NCK1: variants seen among roughly 807,000 people sequenced by gnomAD.
NCK1 encodes the protein NCK adaptor protein 1, also known as SH2/SH3 adapter protein NCK1.
A neutral mutation model predicts 36.6 loss-of-function variants in NCK1; 19 were observed. The ratio of observed to expected loss-of-function variants is 0.52; its 90% confidence interval spans 0.36 to 0.76. NCK1 has a LOEUF of 0.76. Among genes scored for constraint, NCK1 ranks in the 30% least tolerant of loss-of-function variants. The pLI is 0.00. For missense variants in NCK1, 358 were observed against 445.6 expected (o/e 0.80, Z 1.77); for synonymous variants, 165 against 156.0 (o/e 1.06, Z -0.43).
At chr3:136,898,958 A>G (rs375273239) in intron 1 of NCK1, 9 of 153,130 alleles carry the variant, frequency 5.9e-5, no homozygotes, top group African/African-American at 2.2e-4. Context: ...GGACATGGTA[A>G]TGGATTCCTT....
chr3:136,900,642 T>G (rs1939517367), intron 1 of NCK1, among the ~76,000 whole-genome samples: 1 of 152,186 alleles, frequency 6.6e-6, no homozygotes, highest in Non-Finnish European at 1.5e-5. Context: ...AGGGAATGCC[T>G]TCTTGATTTC....
intron 1 of NCK1, among the ~76,000 whole-genome samples, chr3:136,903,932 A>C (rs1027395148): frequency 2.0e-5 from 3 of 151,564 alleles, no homozygotes; most frequent in Admixed American, 6.6e-5. Context: ...TTGGTCTATC[A>C]GTGGTTTTTA....
At chr3:136,880,821 C>A (rs1938912271) in intron 1 of NCK1, among the ~76,000 whole-genome samples, 1 of 152,084 alleles carries the variant, frequency 6.6e-6, no homozygotes, top group South Asian at 2.1e-4. Context: ...TTTGCCCTGG[C>A]TGGTCTTGAA....
At chr3:136,870,592 G>C (rs1391592967) in intron 1 of NCK1, among the ~76,000 whole-genome samples, 1 of 148,828 alleles carries the variant, frequency 6.7e-6, no homozygotes, top group Non-Finnish European at 1.5e-5. Context: ...GAAACATTTA[G>C]AATATTTAGT....
intron 1 of NCK1, among the ~76,000 whole-genome samples, chr3:136,906,404 C>T (rs957963977): frequency 2.6e-5 from 4 of 152,212 alleles, no homozygotes; most frequent in African/African-American, 9.6e-5. Context: ...GCCACCATGC[C>T]TGGCCTGTGA....
intron 1 of NCK1, among the ~76,000 whole-genome samples, chr3:136,867,939 CAG>C (rs1311261883): frequency 1.3e-5 from 2 of 150,268 alleles, no homozygotes; most frequent in African/African-American, 4.9e-5. Flanking sequence ...TTTTTTGAGA[CAG>C]AGTTTCGCAG....
chr3:136,945,358 T>C (rs1357522247), intron 2 of NCK1, among the ~76,000 whole-genome samples: 1 of 152,172 alleles, frequency 6.6e-6, no homozygotes. Flanking sequence ...GAAAAGATGG[T>C]GAACTGTCAT....
intron 1 of NCK1, among the ~76,000 whole-genome samples, chr3:136,924,422 G>A (rs761884120): frequency 1.3e-5 from 2 of 152,010 alleles, no homozygotes; most frequent in African/African-American, 2.4e-5. Flanking sequence ...ACATAGAGTG[G>A]GGAAAGAGAA....
At chr3:136,932,628 T>G (rs1302730297) in intron 2 of NCK1, among the ~76,000 whole-genome samples, 1 of 152,236 alleles carries the variant, frequency 6.6e-6, no homozygotes, top group Non-Finnish European at 1.5e-5. Flanking sequence ...CCATGTGGCC[T>G]GCAAAATATA....
chr3:136,940,897 T>C (rs1217453488), intron 2 of NCK1, among the ~76,000 whole-genome samples: 1 of 152,134 alleles, frequency 6.6e-6, no homozygotes, highest in Admixed American at 6.5e-5. Flanking sequence ...ATCCTTTACA[T>C]GGGATATCTT....
chr3:136,948,670 T>A lies in NCK1; in HGVS notation c.*217T>A, dbSNP rs1940892640. 1 of 330,776 alleles carries A rather than the reference T, an allele frequency of 3.0e-6. No individual in the cohort carries two copies. The highest frequency in any genetic ancestry group is 2.1e-5 in the African/African-American group (1 of 47,118). 20.5% of individuals were successfully genotyped at this position (330,776 alleles called of 1,614,324 possible). A position where few individuals can be genotyped will look rare whatever the true frequency, so the allele number is the denominator to read the frequency against. On this transcript the variant is annotated 3_prime_UTR_variant, in exon 4 of 4. Transcript: ENST00000481752. ...AGTTCCTTATCCTTGGCCTTCTGTT[T>A]TATTGTTTTTTTCTTTGCTGTTTTC...
At chr3:136,887,935 C>G (rs1392525426) in intron 1 of NCK1, among the ~76,000 whole-genome samples, 2 of 150,710 alleles carry the variant, frequency 1.3e-5, no homozygotes, top group Non-Finnish European at 3.0e-5. Flanking sequence ...TTCTTTCTTT[C>G]TTTCTTTCTT....
intron 1 of NCK1, among the ~76,000 whole-genome samples, chr3:136,891,925 ATCACTCAGGC>A (rs1939257341): frequency 6.6e-6 from 1 of 152,166 alleles, no homozygotes; most frequent in Non-Finnish European, 1.5e-5. Context: ...GTCTCACTGT[ATCACTCAGGC>A]TGGAATAGAG....
At chr3:136,924,520 A>G (rs1302949606) in intron 1 of NCK1, among the ~76,000 whole-genome samples, 1 of 152,220 alleles carries the variant, frequency 6.6e-6, no homozygotes, top group Admixed American at 6.5e-5. Flanking sequence ...AAGAATGTTT[A>G]AAAAAATACA....
At chr3:136,938,278 C>G (rs527495640) in intron 2 of NCK1, among the ~76,000 whole-genome samples, 1 of 152,260 alleles carries the variant, frequency 6.6e-6, no homozygotes, top group South Asian at 2.1e-4. Flanking sequence ...AATATGCTTG[C>G]TGGATTTGGT....
At chr3:136,877,741 A>T (rs1644004452) in intron 1 of NCK1, among the ~76,000 whole-genome samples, 1 of 152,218 alleles carries the variant, frequency 6.6e-6, no homozygotes, top group Admixed American at 6.6e-5. Flanking sequence ...GGACTTAAAA[A>T]TGTTCAATCC....
chr3:136,907,974 C>CTA (rs1939731672), intron 1 of NCK1, among the ~76,000 whole-genome samples: 1 of 152,282 alleles, frequency 6.6e-6, no homozygotes. Context: ...CATCCTTAAC[C>CTA]TAATATTTGA....
chr3:136,913,291 T>G (rs1190048406), intron 1 of NCK1, among the ~76,000 whole-genome samples: 1 of 152,168 alleles, frequency 6.6e-6, no homozygotes, highest in Non-Finnish European at 1.5e-5. Flanking sequence ...TTGTTTTTCT[T>G]TTTGTTTTTA....
intron 1 of NCK1, among the ~76,000 whole-genome samples, chr3:136,924,446 T>C (rs1940189723): frequency 6.6e-6 from 1 of 152,090 alleles, no homozygotes; most frequent in Non-Finnish European, 1.5e-5. Flanking sequence ...TGTCAGAGAC[T>C]TAAAACATGT....
Sources: gnomAD v4.1 joint callset for allele counts (sites outside exome capture counted in the v4.1 genomes callset) on GRCh38, gnomAD v4.1.1 for gene constraint, MANE v1.5 for transcripts, NCBI Gene and HGNC (gene_info 2026-07-23, HGNC 2026-07-21) for gene names.